The following BACH2 variants were observed in gnomAD, a reference collection of about 807,000 sequenced individuals.
BACH2 encodes BACH transcriptional regulator 2.
BACH2 carries 5 observed loss-of-function variants against 61.8 expected under a neutral mutation model. The observed-to-expected ratio is 0.08, with a 90% CI of 0.04 to 0.17. The LOEUF (loss-of-function observed/expected upper bound fraction) is 0.17, where lower values mean the gene tolerates loss of function less well. Ranked by LOEUF, BACH2 falls within the 10% of genes least tolerant of loss-of-function variation. The probability of loss-of-function intolerance (pLI) is 1.00; values close to 1 mark genes in which losing one functional copy is unlikely to be tolerated. For missense variants in BACH2, 824 were observed against 1,091.1 expected (o/e 0.76, Z 3.45); for synonymous variants, 446 against 440.1 (o/e 1.01, Z -0.17).
chr6:90,093,369 T>C (rs1051513693), intron 4 of BACH2, among the ~76,000 whole-genome samples: 3 of 152,080 alleles, frequency 2.0e-5, no homozygotes, highest in Non-Finnish European at 4.4e-5. Flanking sequence ...ACATGGGAAT[T>C]TGACTTTAAA....
chr6:90,094,566 C>A (rs1782305814), intron 4 of BACH2, among the ~76,000 whole-genome samples: 1 of 152,142 alleles, frequency 6.6e-6, no homozygotes, highest in Non-Finnish European at 1.5e-5. Flanking sequence ...ACATGATATT[C>A]AGGTTTGAAC....
At chr6:90,275,104 C>G (rs947142960) in intron 1 of BACH2, among the ~76,000 whole-genome samples, 30 of 152,330 alleles carry the variant, frequency 2.0e-4, no homozygotes, top group African/African-American at 7.2e-4. Context: ...GAATGCAATT[C>G]ACATGTTTGG....
At chr6:90,030,792 C>A (rs1778934620) in intron 5 of BACH2, among the ~76,000 whole-genome samples, 1 of 151,914 alleles carries the variant, frequency 6.6e-6, no homozygotes, top group Non-Finnish European at 1.5e-5. Flanking sequence ...GGGGCTGGTA[C>A]CATTCCTTCT....
At chr6:90,211,286 C>T (rs1769340432) in intron 3 of BACH2, among the ~76,000 whole-genome samples, 1 of 152,184 alleles carries the variant, frequency 6.6e-6, no homozygotes, top group South Asian at 2.1e-4. Flanking sequence ...CCAAGTGCCC[C>T]TCACCAGCCA....
chr6:90,100,795 G>T (rs1234128488), intron 4 of BACH2, among the ~76,000 whole-genome samples: 2 of 148,646 alleles, frequency 1.3e-5, no homozygotes, highest in Non-Finnish European at 1.5e-5. Context: ...TAATATACTG[G>T]GACAAATGGT....
chr6:90,145,821 G>T (rs942167638), intron 4 of BACH2, among the ~76,000 whole-genome samples: 6 of 152,336 alleles, frequency 3.9e-5, no homozygotes, highest in Admixed American at 3.9e-4. Flanking sequence ...GCACAGAGAG[G>T]TAAAACACAT....
intron 2 of BACH2, among the ~76,000 whole-genome samples, chr6:90,261,255 C>T (rs908944185): frequency 6.6e-6 from 1 of 152,146 alleles, no homozygotes; most frequent in Non-Finnish European, 1.5e-5. Flanking sequence ...TTCTAGCTTA[C>T]GTGCCATCAG....
chr6:90,208,850 A>G (rs146532343), intron 3 of BACH2, among the ~76,000 whole-genome samples: 114 of 152,352 alleles, frequency 7.5e-4, no homozygotes, highest in Non-Finnish European at 9.8e-4. Context: ...TGGCACATAT[A>G]TACCATGGAA....
At chr6:90,027,450 A>T (rs1233294140) in intron 5 of BACH2, among the ~76,000 whole-genome samples, 1 of 152,192 alleles carries the variant, frequency 6.6e-6, no homozygotes, top group Non-Finnish European at 1.5e-5. Context: ...TATGCTTCAG[A>T]TAAAGCCAAG....
At chr6:90,042,052 A>C (rs954646817) in intron 5 of BACH2, among the ~76,000 whole-genome samples, 1 of 152,186 alleles carries the variant, frequency 6.6e-6, no homozygotes, top group Non-Finnish European at 1.5e-5. Flanking sequence ...TCTGCTAAAA[A>C]CACACTGACA....
intron 5 of BACH2, among the ~76,000 whole-genome samples, chr6:90,040,360 T>C (rs1779473807): frequency 1.3e-5 from 2 of 152,128 alleles, no homozygotes; most frequent in Non-Finnish European, 2.9e-5. Context: ...GATGCTTCCT[T>C]AATGTAAACT....
chr6:90,268,854 T>C (rs890268424), intron 2 of BACH2, among the ~76,000 whole-genome samples: 5 of 152,128 alleles, frequency 3.3e-5, no homozygotes, highest in African/African-American at 1.2e-4. Flanking sequence ...CAAACTCTTA[T>C]GAAAAAAGAT....
chr6:90,257,574 T>C (rs1276573177), intron 2 of BACH2, among the ~76,000 whole-genome samples: 3 of 152,200 alleles, frequency 2.0e-5, no homozygotes. Flanking sequence ...AATTCGTTTG[T>C]TCTTTGCTAT....
chr6:89,979,390 T>C (rs1312494296), intron 6 of BACH2, among the ~76,000 whole-genome samples: 4 of 152,176 alleles, frequency 2.6e-5, no homozygotes, highest in African/African-American at 7.2e-5. Context: ...CCTCCAATTC[T>C]TGCACAAAGA....
intron 6 of BACH2, among the ~76,000 whole-genome samples, chr6:89,972,176 T>C (rs893987259): frequency 6.6e-6 from 1 of 152,094 alleles, no homozygotes; most frequent in Admixed American, 6.6e-5. Flanking sequence ...GGGAAGGTCC[T>C]TCCGTGTCCG....
chr6:89,971,870 C>T (rs1469418350), intron 6 of BACH2, among the ~76,000 whole-genome samples: 1 of 152,182 alleles, frequency 6.6e-6, no homozygotes, highest in African/African-American at 2.4e-5. Context: ...CCTCCCACAA[C>T]ACATGGGAAT....
intron 4 of BACH2, among the ~76,000 whole-genome samples, chr6:90,199,200 A>G (rs1396215320): frequency 3.3e-5 from 5 of 152,212 alleles, no homozygotes; most frequent in African/African-American, 1.2e-4. Flanking sequence ...GTGCTTCACC[A>G]CACACTGCTC....
At chr6:90,239,844 C>CAT (rs1770385100) in intron 3 of BACH2, among the ~76,000 whole-genome samples, 1 of 145,632 alleles carries the variant, frequency 6.9e-6, no homozygotes, top group Admixed American at 6.9e-5. Context: ...CACACACACA[C>CAT]GCTGACTATT....
chr6:90,187,907 T>G (rs1381713803), intron 4 of BACH2, among the ~76,000 whole-genome samples: 1 of 152,182 alleles, frequency 6.6e-6, no homozygotes, highest in African/African-American at 2.4e-5. Context: ...GCTGAGGTCA[T>G]GCAGTTAGAG....
Sources: gnomAD v4.1 joint callset for allele counts (sites outside exome capture counted in the v4.1 genomes callset) on GRCh38, gnomAD v4.1.1 for gene constraint, MANE v1.5 for transcripts, NCBI Gene and HGNC (gene_info 2026-07-23, HGNC 2026-07-21) for gene names.